GGPS1: variants seen among roughly 807,000 people sequenced by gnomAD.
GGPS1 encodes geranylgeranyl diphosphate synthase 1, also known as geranylgeranyl pyrophosphate synthase.
Under a neutral mutation model 28.1 loss-of-function variants are expected in GGPS1, and 15 were observed. That is an observed-to-expected ratio of 0.53 (90% confidence interval 0.36 to 0.82). GGPS1 has a LOEUF of 0.82. Among genes scored for constraint, GGPS1 ranks in the 40% least tolerant of loss-of-function variants. GGPS1 has a pLI of 0.01. For synonymous variants in GGPS1, 138 were observed against 122.4 expected, an observed-to-expected ratio of 1.13 and a Z score of -0.84; for missense variants, 284 against 348.3, an observed-to-expected ratio of 0.82 and a Z score of 1.47.
chr1:235,342,774 G>A lies in GGPS1; in HGVS notation c.*2G>A, dbSNP rs770636401. 5.1e-6 allele frequency: 8 copies of A among 1,554,850 alleles called. No homozygotes were observed. The highest frequency in any genetic ancestry group is 7.0e-6 in the Non-Finnish European group (8 of 1,149,426). On this transcript the variant is annotated 3_prime_UTR_variant, in exon 4 of 4. Coordinates refer to ENST00000282841, the MANE Select transcript of GGPS1 (RefSeq NM_004837.4). ...ATGTTCAAAGAAGAAAATGAATAAT[G>A]TTAAGCCATTCTTGATTGGACCTCA...
At chr1:235,331,983 G>A (rs1675730110) in intron 1 of GGPS1, among the ~76,000 whole-genome samples, 1 of 152,226 alleles carries the variant, frequency 6.6e-6, no homozygotes, top group Non-Finnish European at 1.5e-5. Flanking sequence ...AAATTGGGTA[G>A]TCTCAGCACT....
upstream of GGPS1, chr1:235,328,262 C>T (rs947081023): frequency 8.9e-5 from 13 of 146,368 alleles, no homozygotes; most frequent in African/African-American, 3.3e-4. Flanking sequence ...CTACCTCTTT[C>T]CCGGATGGCC....
chr1:235,342,024 T>C lies in GGPS1; in HGVS notation c.155T>C (p.Val52Ala). 1 of 1,570,752 alleles carries C rather than the reference T, an allele frequency of 6.4e-7. No homozygotes were observed. The highest frequency in any genetic ancestry group is 8.7e-7 in the Non-Finnish European group (1 of 1,155,410). The change falls in exon 4 of 4, where the codon GTG becomes GCG. Residue 52 changes from valine to alanine, a missense_variant. Transcript: ENST00000282841. Reference protein sequence around the residue: ...PEDKLQIIIEVTEMLHNASLL... With the variant: ...PEDKLQIIIEATEMLHNASLL... ...TTTTTTTATTAGATTATTATTGAAGTGACAGAAATGTTGCATAATGCCAGT... is the reference window on the plus strand; with the variant it reads ...TTTTTTTATTAGATTATTATTGAAGCGACAGAAATGTTGCATAATGCCAGT...
intron 2 of GGPS1, chr1:235,337,012 T>A: frequency 5.4e-6 from 1 of 186,628 alleles, no homozygotes. Flanking sequence ...TTGCCCACTG[T>A]TTAAGAAAAA....
intron 1 of GGPS1, among the ~76,000 whole-genome samples, chr1:235,332,034 CTAA>C (rs1406038766): frequency 2.0e-5 from 3 of 152,162 alleles, no homozygotes; most frequent in Non-Finnish European, 4.4e-5. Flanking sequence ...AATGCTAGCA[CTAA>C]TAATTAGATT....
chr1:235,333,320 AC>A (rs1459665676), intron 1 of GGPS1, among the ~76,000 whole-genome samples: 3 of 152,040 alleles, frequency 2.0e-5, no homozygotes, highest in Non-Finnish European at 4.4e-5. Context: ...CAATTCCAAC[AC>A]TTTGGGAGGC....
intron 2 of GGPS1, among the ~76,000 whole-genome samples, chr1:235,340,290 T>G (rs1368763531): frequency 6.6e-6 from 1 of 151,988 alleles, no homozygotes; most frequent in Non-Finnish European, 1.5e-5. Context: ...TTGGGCAACA[T>G]GGGAACACAC....
At chr1:235,337,043 T>G (rs1675889221) in intron 2 of GGPS1, 1 of 187,774 alleles carries the variant, frequency 5.3e-6, no homozygotes, top group Non-Finnish European at 1.3e-5. Context: ...TGCTTTTGAG[T>G]GACATTTATC....
At chr1:235,339,780 CAG>C (rs1482283504) in intron 2 of GGPS1, among the ~76,000 whole-genome samples, 2 of 149,368 alleles carry the variant, frequency 1.3e-5, no homozygotes, top group African/African-American at 2.4e-5. Flanking sequence ...AAAAAGAAAA[CAG>C]TATTTTAGTT....
At chr1:235,332,060 G>A (rs1026395488) in intron 1 of GGPS1, among the ~76,000 whole-genome samples, 1 of 152,132 alleles carries the variant, frequency 6.6e-6, no homozygotes, top group South Asian at 2.1e-4. Flanking sequence ...GGTTTGGAGG[G>A]TTTTTTATTT....
At chr1:235,327,597 G>C (rs1210847370), upstream of GGPS1, 1 of 152,274 alleles carries the variant, frequency 6.6e-6, no homozygotes, top group Non-Finnish European at 1.5e-5. Flanking sequence ...CCAGCCAGGG[G>C]GCGGCTCGGA....
intron 1 of GGPS1, chr1:235,330,298 C>A (rs1206880902): frequency 6.6e-6 from 1 of 152,152 alleles, no homozygotes; most frequent in Non-Finnish European, 1.5e-5. Context: ...TCCTGGCTAA[C>A]ACGGTGAAAG....
chr1:235,342,798 C>T lies in GGPS1; in HGVS notation c.*26C>T, dbSNP rs2103351906. ...TGTTAAGCCATTCTTGATTGGACCT[C>T]ATAGCTTATTTTAGTTAATCTTTTT... On this transcript the variant is annotated 3_prime_UTR_variant, in exon 4 of 4. Coordinates refer to ENST00000282841, the MANE Select transcript of GGPS1 (RefSeq NM_004837.4). 4 of 1,456,130 alleles carry T rather than the reference C, an allele frequency of 2.7e-6. No individual in the cohort carries two copies. Among genetic ancestry groups the T allele is most frequent in the South Asian group, 2.6e-5 (2 of 76,290 alleles). The allele number at this position is 1,456,130 out of a possible 1,614,324, so 90.2% of individuals were successfully genotyped here.
intron 2 of GGPS1, among the ~76,000 whole-genome samples, chr1:235,336,364 C>G (rs1462545634): frequency 1.3e-5 from 2 of 150,866 alleles, no homozygotes; most frequent in African/African-American, 4.9e-5. Flanking sequence ...GCACTCCAGC[C>G]TGGCAACAGA....
chr1:235,339,565 G>C (rs762802047), intron 2 of GGPS1, among the ~76,000 whole-genome samples: 5 of 151,998 alleles, frequency 3.3e-5, no homozygotes. Flanking sequence ...TTTGACACCA[G>C]CCTGGCCAAC....
In GGPS1 at chr1:235,342,808, TTTAG is replaced by T. The variant is rs779486773; in HGVS notation, c.*40_*43del. Reference sequence around the variant, plus strand: ...TTCTTGATTGGACCTCATAGCTTATTTTAGTTAATCTTTTTTTTGTCTTTTAGCC... The same window carrying T: ...TTCTTGATTGGACCTCATAGCTTATTTTAATCTTTTTTTTGTCTTTTAGCC... On this transcript the variant is annotated 3_prime_UTR_variant, in exon 4 of 4. Transcript: ENST00000282841. 1.3e-5 allele frequency: 18 copies of T among 1,414,146 alleles called. 1 individual carries two copies. In the South Asian group the frequency reaches 1.6e-4, roughly 13 times the overall value. 87.6% of individuals were successfully genotyped at this position (1,414,146 alleles called of 1,614,324 possible).
At chr1:235,341,661 T>C in intron 2 of GGPS1, 47 bp from the exon 3 acceptor site, 1 of 1,028,158 alleles carries the variant, frequency 9.7e-7, no homozygotes, top group Non-Finnish European at 1.5e-6. Context: ...AAAATACTCA[T>C]AATTAAAACA....
At chr1:235,336,011 T>G (rs1245621216) in intron 2 of GGPS1, among the ~76,000 whole-genome samples, 2 of 152,268 alleles carry the variant, frequency 1.3e-5, no homozygotes, top group Non-Finnish European at 2.9e-5. Context: ...ATAGCCCACT[T>G]TATTCCTGTA....
At chr1:235,328,034 C>A (rs981020647), upstream of GGPS1, 1 of 152,782 alleles carries the variant, frequency 6.5e-6, no homozygotes, top group Non-Finnish European at 1.5e-5. Flanking sequence ...GCGCTGCCCT[C>A]CAGAGGACGG....
Sources: allele counts gnomAD v4.1 joint callset (sites outside exome capture counted in the v4.1 genomes callset), GRCh38; gene constraint gnomAD v4.1.1; transcripts MANE v1.5; gene names NCBI Gene and HGNC (gene_info 2026-07-23, HGNC 2026-07-21).